The following EPB41L4B variants were observed in gnomAD, a reference collection of about 807,000 sequenced individuals.
EPB41L4B encodes the protein erythrocyte membrane protein band 4.1 like 4B.
A neutral mutation model predicts 112.5 loss-of-function variants in EPB41L4B; 30 were observed. The ratio of observed to expected loss-of-function variants is 0.27; its 90% CI spans 0.20 to 0.36. The LOEUF is 0.36. EPB41L4B is among the 10% of genes least tolerant of loss of function. The pLI is 1.00. For missense variants in EPB41L4B, 1,024 were observed against 1,133.3 expected, an observed-to-expected ratio of 0.90 and a Z score of 1.38; for synonymous variants, 408 against 439.7, an observed-to-expected ratio of 0.93 and a Z score of 0.90.
chr9:109,268,965 A>T (rs1835512823), intron 2 of EPB41L4B, among the ~76,000 whole-genome samples: 1 of 151,638 alleles, frequency 6.6e-6, no homozygotes, highest in Non-Finnish European at 1.5e-5. Context: ...GGGACTCCCT[A>T]GTTTCTGGAA....
rs144363770 is a variant in EPB41L4B, at chr9:109,176,529, G to A, written c.2633+22C>T. ...TTCCCTGTCACCAGAATTACCTGTC[G>A]GAACCTGCTGACCTGACCTACCTGG... On this transcript the variant is annotated intron_variant, in intron 25 of 25. Coordinates refer to ENST00000374566, the MANE Select transcript of EPB41L4B (RefSeq NM_019114.5). 1.2e-4 allele frequency: 185 copies of A among 1,584,838 alleles called. No individual in the cohort carries two copies. The East Asian group carries it at 1.5e-3, about 13-fold the overall frequency.
intron 1 of EPB41L4B, among the ~76,000 whole-genome samples, chr9:109,303,512 GTTTTT>G (rs902874062): frequency 3.3e-5 from 5 of 151,642 alleles, no homozygotes; most frequent in Non-Finnish European, 5.9e-5. Context: ...CACCTGGCTG[GTTTTT>G]TTTGTTTTTG....
chr9:109,272,491 G>A (rs569338189), intron 2 of EPB41L4B, among the ~76,000 whole-genome samples: 14 of 151,608 alleles, frequency 9.2e-5, no homozygotes, highest in African/African-American at 4.8e-5. Context: ...GGTGGCTCAC[G>A]TCTGTAATCC....
chr9:109,214,385 A>C (rs572284222), intron 16 of EPB41L4B, among the ~76,000 whole-genome samples: 1 of 152,358 alleles, frequency 6.6e-6, no homozygotes, highest in East Asian at 1.9e-4. Context: ...ACTTGTGCCA[A>C]GTATCGTTAG....
rs1837806708 is a variant in EPB41L4B at position 109,320,162 on chromosome 9, G to A, written c.285C>T (p.Thr95=). The A allele has an allele frequency of 2.0e-6, 3 of 1,482,412 alleles. No homozygotes were observed. The highest frequency in any genetic ancestry group is 2.7e-6 in the Non-Finnish European group (3 of 1,113,838). 91.8% of individuals were successfully genotyped at this position (1,482,412 alleles called of 1,614,324 possible). A position where few individuals can be genotyped will look rare whatever the true frequency, so the allele number is the denominator to read the frequency against. The change falls in exon 1 of 26, where the codon ACC becomes ACT. Residue 95 remains threonine, a synonymous_variant. Transcript: ENST00000374566. Reference sequence around the variant, plus strand: ...TCACCGGCAGGTCCACGCTCACTTCGGTCCCGTCGAGCAGGAAGACGCGGC... The same window carrying A: ...TCACCGGCAGGTCCACGCTCACTTCAGTCCCGTCGAGCAGGAAGACGCGGC... The part of the protein sequence containing the change: ...LYCRVFLLDG[T]EVSVDLPKHA...
intron 24 of EPB41L4B, among the ~76,000 whole-genome samples, chr9:109,181,612 G>A (rs976217473): frequency 3.3e-5 from 5 of 152,016 alleles, no homozygotes; most frequent in African/African-American, 1.2e-4. Context: ...CAAGGTATGA[G>A]GATCACTTGA....
intron 15 of EPB41L4B, among the ~76,000 whole-genome samples, chr9:109,219,906 C>A (rs1833515740): frequency 6.6e-6 from 1 of 152,002 alleles, no homozygotes; most frequent in Admixed American, 6.6e-5. Context: ...TCTTTGTGAA[C>A]ATCTTTTTTG....
At chr9:109,190,122 T>C (rs1024456492) in intron 22 of EPB41L4B, among the ~76,000 whole-genome samples, 1 of 152,124 alleles carries the variant, frequency 6.6e-6, no homozygotes, top group African/African-American at 2.4e-5. Context: ...GTTCTGATAG[T>C]GTCTTGGTGG....
intron 1 of EPB41L4B, among the ~76,000 whole-genome samples, chr9:109,297,870 A>G (rs1588222486): frequency 6.6e-6 from 1 of 152,362 alleles, no homozygotes; most frequent in East Asian, 1.9e-4. Flanking sequence ...TAAGATTTTC[A>G]AAAAGGTCAA....
At chr9:109,269,344 A>G (rs573129142) in intron 2 of EPB41L4B, among the ~76,000 whole-genome samples, 2 of 152,360 alleles carry the variant, frequency 1.3e-5, no homozygotes, top group East Asian at 3.9e-4. Context: ...GAACTGCTTC[A>G]GTCTTATCTG....
At chr9:109,285,779 C>T (rs1020330854) in intron 1 of EPB41L4B, among the ~76,000 whole-genome samples, 4 of 152,072 alleles carry the variant, frequency 2.6e-5, no homozygotes, top group Non-Finnish European at 4.4e-5. Flanking sequence ...GCCTGGACAC[C>T]CCACCCGGGG....
At chr9:109,316,310 A>C (rs1564341551) in intron 1 of EPB41L4B, among the ~76,000 whole-genome samples, 1 of 152,220 alleles carries the variant, frequency 6.6e-6, no homozygotes, top group Non-Finnish European at 1.5e-5. Flanking sequence ...CGGGAGTGCT[A>C]ACTGGCCGAC....
At chr9:109,311,995 T>G (rs757687565) in intron 1 of EPB41L4B, among the ~76,000 whole-genome samples, 10 of 152,260 alleles carry the variant, frequency 6.6e-5, no homozygotes, top group East Asian at 5.8e-4. Flanking sequence ...GCTTTGCATA[T>G]CAACCTCCAA....
chr9:109,314,036 C>G (rs1294904594), intron 1 of EPB41L4B, among the ~76,000 whole-genome samples: 1 of 152,166 alleles, frequency 6.6e-6, no homozygotes, highest in African/African-American at 2.4e-5. Flanking sequence ...AGCACACACA[C>G]GAACCTGGAA....
chr9:109,225,266 C>A (rs1833718406), intron 15 of EPB41L4B, among the ~76,000 whole-genome samples: 1 of 152,194 alleles, frequency 6.6e-6, no homozygotes, highest in Admixed American at 6.5e-5. Flanking sequence ...AGCTCTTGTG[C>A]CTGGTACTGT....
intron 5 of EPB41L4B, among the ~76,000 whole-genome samples, chr9:109,263,707 C>G (rs1345390993): frequency 6.6e-6 from 1 of 152,134 alleles, no homozygotes; most frequent in Admixed American, 6.5e-5. Flanking sequence ...GTTTTCAAAG[C>G]CTTTTCATTT....
intron 1 of EPB41L4B, among the ~76,000 whole-genome samples, chr9:109,283,239 C>T (rs1376093660): frequency 1.3e-5 from 2 of 152,110 alleles, no homozygotes; most frequent in East Asian, 3.9e-4. Flanking sequence ...TCTCCCCTGA[C>T]TTGTGTAGTG....
intron 15 of EPB41L4B, among the ~76,000 whole-genome samples, chr9:109,228,982 CAT>C (rs1395424504): frequency 6.6e-5 from 10 of 152,118 alleles, no homozygotes; most frequent in African/African-American, 1.9e-4. Flanking sequence ...AACAGTAAAA[CAT>C]ATATGATGTG....
chr9:109,292,185 T>C (rs188578690), intron 1 of EPB41L4B, among the ~76,000 whole-genome samples: 126 of 152,268 alleles, frequency 8.3e-4, no homozygotes, highest in African/African-American at 2.9e-3. Context: ...AGTGATTCAA[T>C]AGTGTACGAA....
Sources: gnomAD v4.1 joint callset for allele counts (sites outside exome capture counted in the v4.1 genomes callset) on GRCh38, gnomAD v4.1.1 for gene constraint, MANE v1.5 for transcripts, NCBI Gene and HGNC (gene_info 2026-07-23, HGNC 2026-07-21) for gene names.